The following SGIP1 variants were observed in gnomAD, a reference collection of about 807,000 sequenced individuals.
SGIP1 encodes the protein SH3-containing GRB2-like protein 3-interacting protein 1.
A neutral mutation model predicts 107.5 loss-of-function variants in SGIP1; 38 were observed. The ratio of observed to expected loss-of-function variants is 0.35; its 90% CI spans 0.27 to 0.46. The LOEUF is 0.46. Among genes scored for constraint, SGIP1 ranks in the 20% least tolerant of loss-of-function variants. The pLI is 1.00. For missense variants in SGIP1, 929 were observed against 1,019.5 expected, an observed-to-expected ratio of 0.91 and a Z score of 1.21; for synonymous variants, 365 against 366.1, an observed-to-expected ratio of 1.00 and a Z score of 0.03.
At chr1:66,536,248 GT>G (rs5774823) in intron 1 of SGIP1, among the ~76,000 whole-genome samples, 111,229 of 151,536 alleles carry the variant, frequency 0.73, 41,719 homozygotes, top group East Asian at 1. Context: ...GTATGAATTA[GT>G]ATGAATTATA....
At chr1:66,650,276 T>C (rs944374984) in intron 7 of SGIP1, among the ~76,000 whole-genome samples, 6 of 152,180 alleles carry the variant, frequency 3.9e-5, no homozygotes, top group African/African-American at 1.4e-4. Flanking sequence ...ATACATATGG[T>C]ACTTCTTCGG....
intron 24 of SGIP1, among the ~76,000 whole-genome samples, chr1:66,742,460 CTTTTTTTTTTTT>C (rs764080079): frequency 1.1e-4 from 5 of 45,104 alleles, no homozygotes; most frequent in Non-Finnish European, 2.2e-4. Flanking sequence ...AGCACCCTTT[CTTTTTTTTTTTT>C]TTTTTTTTTT....
rs1307654404 is a variant in SGIP1, at chr1:66,744,075, T to G, written c.*980T>G. The G allele has an allele frequency of 1.3e-5, 2 of 152,142 alleles. No homozygotes were observed. Among genetic ancestry groups the G allele is most frequent in the Admixed American group, 6.5e-5 (1 of 15,280 alleles). The allele number at this position is 152,142 out of a possible 1,614,324, so 9.4% of individuals were successfully genotyped here. ...TATGGGGGAATGATACCTCACGTCTTCCTCTTTACCCACAGGAATCAAAAC... is the reference window on the plus strand; with the variant it reads ...TATGGGGGAATGATACCTCACGTCTGCCTCTTTACCCACAGGAATCAAAAC... On this transcript the variant is annotated 3_prime_UTR_variant, in exon 25 of 25. Transcript: ENST00000371037.
chr1:66,644,362 A>G (rs2077295252), intron 7 of SGIP1, among the ~76,000 whole-genome samples: 1 of 151,570 alleles, frequency 6.6e-6, no homozygotes, highest in East Asian at 1.9e-4. Flanking sequence ...AAAAAAAGAG[A>G]TTATTTTTGC....
chr1:66,553,073 C>T (rs2057667887), intron 1 of SGIP1, among the ~76,000 whole-genome samples: 1 of 152,228 alleles, frequency 6.6e-6, no homozygotes, highest in East Asian at 1.9e-4. Flanking sequence ...CCCAGCTGCC[C>T]TTATTCACAA....
chr1:66,555,766 G>A (rs1007935573), intron 1 of SGIP1, among the ~76,000 whole-genome samples: 5 of 152,098 alleles, frequency 3.3e-5, no homozygotes, highest in Non-Finnish European at 5.9e-5. Flanking sequence ...ATCTCTTACA[G>A]GGTAGAGGAG....
At chr1:66,673,713 G>T (rs1231862708) in intron 12 of SGIP1, among the ~76,000 whole-genome samples, 3 of 152,200 alleles carry the variant, frequency 2.0e-5, no homozygotes, top group African/African-American at 7.2e-5. Flanking sequence ...CACAAATGGA[G>T]ACAGACCTTC....
At chr1:66,609,510 A>C (rs1316365290) in intron 1 of SGIP1, among the ~76,000 whole-genome samples, 2 of 152,214 alleles carry the variant, frequency 1.3e-5, no homozygotes, top group Non-Finnish European at 2.9e-5. Context: ...GTGACAGATA[A>C]AACTGGAGAA....
chr1:66,692,176 AG>A, intron 17 of SGIP1, among the ~76,000 whole-genome samples: 1 of 126,528 alleles, frequency 7.9e-6, no homozygotes, highest in African/African-American at 3.0e-5. Context: ...AAAAAAAAAG[AG>A]AGAGAGAGAA....
At chr1:66,579,342 A>G (rs891707554) in intron 1 of SGIP1, among the ~76,000 whole-genome samples, 2 of 152,188 alleles carry the variant, frequency 1.3e-5, no homozygotes, top group Non-Finnish European at 2.9e-5. Context: ...GATGATAGGC[A>G]TAAGATGGTA....
chr1:66,598,742 C>T (rs1029809952), intron 1 of SGIP1, among the ~76,000 whole-genome samples: 2 of 152,232 alleles, frequency 1.3e-5, no homozygotes, highest in South Asian at 2.1e-4. Flanking sequence ...AGAACATCAC[C>T]GAAGAGATGG....
At chr1:66,545,971 T>C (rs2056295747) in intron 1 of SGIP1, among the ~76,000 whole-genome samples, 1 of 152,226 alleles carries the variant, frequency 6.6e-6, no homozygotes, top group Non-Finnish European at 1.5e-5. Flanking sequence ...TGCATGTGTG[T>C]AAATGCTCAA....
chr1:66,583,600 T>TA (rs1187272523), intron 1 of SGIP1, among the ~76,000 whole-genome samples: 2 of 152,150 alleles, frequency 1.3e-5, no homozygotes, highest in Non-Finnish European at 2.9e-5. Context: ...TAGGTAAACT[T>TA]AAGAGGAAAC....
At chr1:66,596,191 C>A (rs1329585639) in intron 1 of SGIP1, among the ~76,000 whole-genome samples, 1 of 152,136 alleles carries the variant, frequency 6.6e-6, no homozygotes, top group Non-Finnish European at 1.5e-5. Flanking sequence ...TAGCTTGTAC[C>A]CACATTCAGC....
rs1196008505 is a variant in SGIP1, at chr1:66,689,091, T to C, written c.1316-57T>C. ...GTCCGGGACTGGCATTATACTGTGA[T>C]AACAGCGCTTTGGCCCCCTGTGTTT... On this transcript the variant is annotated intron_variant, in intron 15 of 24. Transcript: ENST00000371037. The C allele has an allele frequency of 4.0e-5, 63 of 1,563,558 alleles. 1 individual carries two copies. The South Asian group carries it at 7.1e-4, about 18-fold the overall frequency.
At chr1:66,564,760 A>G (rs1270715605) in intron 1 of SGIP1, among the ~76,000 whole-genome samples, 1 of 152,040 alleles carries the variant, frequency 6.6e-6, no homozygotes, top group South Asian at 2.1e-4. Context: ...GAATCACACA[A>G]TCTACTATCT....
At chr1:66,583,871 G>C (rs1173387947) in intron 1 of SGIP1, among the ~76,000 whole-genome samples, 1 of 152,042 alleles carries the variant, frequency 6.6e-6, no homozygotes, top group Admixed American at 6.6e-5. Flanking sequence ...ATAAATTTTT[G>C]TTGCATGGCT....
chr1:66,562,442 G>T (rs1034812830), intron 1 of SGIP1, among the ~76,000 whole-genome samples: 8 of 151,942 alleles, frequency 5.3e-5, no homozygotes, highest in Non-Finnish European at 4.4e-5. Context: ...GAATTCTGGG[G>T]AATGCAAAAG....
At position 66,750,036 on chromosome 1, in the gene SGIP1, G is replaced by GTT. The variant is rs1557865975; in HGVS notation, c.*6941_*6942insTT. Reference sequence around the variant, plus strand: ...CTCTCTTTCTCTGTGTGTGTGTGGGGGTGTGTGTGTGTGTGTGTGTGTGTG... The same window carrying GTT: ...CTCTCTTTCTCTGTGTGTGTGTGGGGTTGTGTGTGTGTGTGTGTGTGTGTGTG... On this transcript the variant is annotated 3_prime_UTR_variant, in exon 25 of 25. Transcript: ENST00000371037. Among the ~76,000 whole-genome samples, 1 of 119,072 alleles carries GTT rather than the reference G, an allele frequency of 8.4e-6. No individual in the cohort carries two copies. Among genetic ancestry groups the GTT allele is most frequent in the Admixed American group, 8.6e-5 (1 of 11,594 alleles). The allele number at this position is 119,072 out of a possible 152,430, so 78.1% of individuals were successfully genotyped here.
Sources: gnomAD v4.1 joint callset for allele counts (sites outside exome capture counted in the v4.1 genomes callset) on GRCh38, gnomAD v4.1.1 for gene constraint, MANE v1.5 for transcripts, NCBI Gene and HGNC (gene_info 2026-07-23, HGNC 2026-07-21) for gene names.